The following ABCC6 variants were observed in gnomAD, a reference collection of about 807,000 sequenced individuals.
The protein encoded by ABCC6 is ATP binding cassette subfamily C member 6, also known as ATP-binding cassette sub-family C member 6.
In ABCC6, 126 loss-of-function variants were observed where a neutral mutation model predicts 169.5. That is an observed-to-expected ratio of 0.74 (90% CI 0.64 to 0.86). ABCC6 has a LOEUF of 0.86. ABCC6 is among the 40% of genes least tolerant of loss of function. The probability of loss-of-function intolerance (pLI) is 0.00; values close to 1 mark genes in which losing one functional copy is unlikely to be tolerated. For missense variants in ABCC6, 1,733 were observed against 1,927.2 expected (o/e 0.90, Z 1.89); for synonymous variants, 752 against 814.7 (o/e 0.92, Z 1.31).
At chr16:16,152,849 C>T (rs1324445203) in intron 29 of ABCC6, among the ~76,000 whole-genome samples, 3 of 152,050 alleles carry the variant, frequency 2.0e-5, no homozygotes, top group Admixed American at 6.6e-5. Flanking sequence ...ACAAGCCCTT[C>T]GGACACCCTC....
chr16:16,214,665 C>T (rs907019511), intron 4 of ABCC6, among the ~76,000 whole-genome samples: 1 of 152,078 alleles, frequency 6.6e-6, no homozygotes, highest in South Asian at 2.1e-4. Context: ...AGTGCAGTGG[C>T]ATGATCTCGG....
intron 27 of ABCC6, chr16:16,155,457 C>T (rs1204758143): frequency 4.3e-6 from 1 of 232,420 alleles, no homozygotes; most frequent in Admixed American, 5.1e-5. Flanking sequence ...CCCTCCATCT[C>T]TCTTCCACCC....
chr16:16,203,786 A>G (rs2048316039), intron 7 of ABCC6, among the ~76,000 whole-genome samples, 173 bp from the exon 8 acceptor site: 1 of 152,144 alleles, frequency 6.6e-6, no homozygotes, highest in African/African-American at 2.4e-5. Flanking sequence ...TTAAGAGGCA[A>G]TCATGGGAGT....
intron 5 of ABCC6, among the ~76,000 whole-genome samples, chr16:16,213,277 G>A (rs531909721): frequency 6.6e-5 from 10 of 152,046 alleles, no homozygotes; most frequent in Admixed American, 2.6e-4. Context: ...AAACCTTTTT[G>A]TAGAGATGGG....
intron 13 of ABCC6, 64 bp from the exon 14 acceptor site, chr16:16,187,275 G>A (rs1360377034): frequency 1.0e-5 from 14 of 1,363,700 alleles, no homozygotes; most frequent in Middle Eastern, 1.8e-4. Flanking sequence ...TTTGGGTGTC[G>A]GTGTCTCAAG....
chr16:16,198,147 A>C lies in ABCC6; in HGVS notation c.1212T>G (p.Ser404Arg). 1 of 1,609,308 alleles carries C rather than the reference A, an allele frequency of 6.2e-7. No homozygotes were observed. The highest frequency in any genetic ancestry group is 8.5e-7 in the Non-Finnish European group (1 of 1,177,826). Residue 404 changes from serine (S) to arginine (R), a missense_variant, in exon 10 of 31, where the codon AGT becomes AGG. By Grantham distance (110) the Ser-to-Arg change is moderately radical (BLOSUM62 -1). Coordinates refer to ENST00000205557, the MANE Select transcript of ABCC6 (RefSeq NM_001171.6). Reference protein sequence around the residue: ...LALSSGSRKASAVGDVVNLVS... With the variant: ...LALSSGSRKARAVGDVVNLVS... ...CCAGATTGACCACATCACCCACCGC[A>C]CTGGCCTTTCTGGAGCCGCTGGACA...
intron 22 of ABCC6, among the ~76,000 whole-genome samples, chr16:16,168,087 C>T (rs536819019): frequency 8.5e-5 from 13 of 152,320 alleles, no homozygotes; most frequent in African/African-American, 3.1e-4. Context: ...TCAGGCCTGG[C>T]GCCCCCTATT....
chr16:16,151,623 T>C (rs2046388754), intron 29 of ABCC6, among the ~76,000 whole-genome samples: 1 of 152,206 alleles, frequency 6.6e-6, no homozygotes, highest in East Asian at 1.9e-4. Context: ...CTGGCCTGTT[T>C]ATGGCTATGT....
In ABCC6 at chr16:16,202,085, C is replaced by T. The variant is rs757586544; in HGVS notation, c.1092G>A (p.Thr364=). Residue 364 remains threonine (T), a synonymous_variant, in exon 9 of 31, where the codon ACG becomes ACA. Coordinates refer to ENST00000205557, the MANE Select transcript of ABCC6 (RefSeq NM_001171.6). ...TGTACATGTTCTGCTGCTCAAACAGCGTTTGCAGGCAGGCTGAGAGGAACA... is the reference window on the plus strand; with the variant it reads ...TGTACATGTTCTGCTGCTCAAACAGTGTTTGCAGGCAGGCTGAGAGGAACA... ...VLMFLSACLQ[T]LFEQQNMYRL... is the part of the protein sequence containing the mutation. 8 of 1,613,860 alleles carry T rather than the reference C, an allele frequency of 5.0e-6. No homozygotes were observed. Among genetic ancestry groups the T allele is most frequent in the East Asian group, 4.5e-5 (2 of 44,896 alleles).
At chr16:16,212,391 C>T (rs1007835598) in intron 5 of ABCC6, 145 bp from the exon 6 acceptor site, 187 of 603,466 alleles carry the variant, frequency 3.1e-4, no homozygotes, top group Non-Finnish European at 4.9e-4. Flanking sequence ...TCACTACTAC[C>T]TCTGCCTCCT....
intron 5 of ABCC6, among the ~76,000 whole-genome samples, chr16:16,214,049 GC>G (rs996053607): frequency 1.3e-5 from 2 of 151,322 alleles, no homozygotes; most frequent in Admixed American, 1.3e-4. Flanking sequence ...TAGTGTTATT[GC>G]AACACAGCCA....
chr16:16,155,426 A>C, intron 27 of ABCC6: 1 of 265,704 alleles, frequency 3.8e-6, no homozygotes. Flanking sequence ...CCATCCATCC[A>C]TCATCCATCC....
chr16:16,192,782 C>T, intron 11 of ABCC6, 48 bp downstream of exon 11: 1 of 1,550,506 alleles, frequency 6.4e-7, no homozygotes, highest in African/African-American at 1.4e-5. Context: ...GGACCTGTGG[C>T]TTCCTCCCTA....
intron 19 of ABCC6, among the ~76,000 whole-genome samples, chr16:16,176,583 A>C (rs1281932438): frequency 6.6e-6 from 1 of 152,242 alleles, no homozygotes; most frequent in Non-Finnish European, 1.5e-5. Flanking sequence ...GTGAATCAAC[A>C]CTTAAGGTTT....
At chr16:16,192,061 G>T (rs2047880023) in intron 11 of ABCC6, among the ~76,000 whole-genome samples, 1 of 152,224 alleles carries the variant, frequency 6.6e-6, no homozygotes, top group South Asian at 2.1e-4. Context: ...GGCTGCTGCT[G>T]GGAGGGGAGG....
chr16:16,169,222 C>T (rs1471952983), intron 22 of ABCC6, among the ~76,000 whole-genome samples: 2 of 152,212 alleles, frequency 1.3e-5, no homozygotes, highest in African/African-American at 4.8e-5. Flanking sequence ...TTCAAGGTAG[C>T]TGGCTGCCTT....
intron 30 of ABCC6, 80 bp downstream of exon 30, chr16:16,150,498 C>T (rs1435372653): frequency 6.5e-7 from 1 of 1,542,792 alleles, no homozygotes; most frequent in Non-Finnish European, 8.8e-7. Context: ...ACCCGAAGCC[C>T]AGTGGCCCAG....
intron 10 of ABCC6, among the ~76,000 whole-genome samples, chr16:16,195,457 CA>C: frequency 6.6e-6 from 1 of 152,052 alleles, no homozygotes; most frequent in South Asian, 2.1e-4. Context: ...GGATTACAGG[CA>C]CATGCCACCA....
chr16:16,194,499 G>A (rs7403832), intron 10 of ABCC6, among the ~76,000 whole-genome samples: 112,327 of 152,048 alleles, frequency 0.74, 41,707 homozygotes, highest in African/African-American at 0.81. Context: ...TCCCCCTCTC[G>A]GCTTTGGTTT....
Sources: gnomAD v4.1 joint callset for allele counts (sites outside exome capture counted in the v4.1 genomes callset) on GRCh38, gnomAD v4.1.1 for gene constraint, MANE v1.5 for transcripts, NCBI Gene and HGNC (gene_info 2026-07-23, HGNC 2026-07-21) for gene names.